CSF3R: variants seen among roughly 807,000 people sequenced by gnomAD.
The protein encoded by CSF3R is colony stimulating factor 3 receptor, also known as granulocyte colony-stimulating factor receptor.
In CSF3R, 52 loss-of-function variants were observed where a neutral mutation model predicts 84.4. The observed-to-expected ratio is 0.62, with a 90% confidence interval of 0.49 to 0.78. The LOEUF (loss-of-function observed/expected upper bound fraction) is 0.78. Ranked by LOEUF, CSF3R falls within the 30% of genes least tolerant of loss-of-function variation. CSF3R has a pLI of 0.00. For missense variants in CSF3R, 890 were observed against 1,055.7 expected (o/e 0.84, Z 2.17); for synonymous variants, 384 against 429.1 (o/e 0.89, Z 1.30).
chr1:36,482,552 G>T (rs953080532), intron 1 of CSF3R, among the ~76,000 whole-genome samples: 3 of 152,140 alleles, frequency 2.0e-5, no homozygotes. Flanking sequence ...GAATGATTAT[G>T]CCTGTCCCCA....
At position 36,475,516 on chromosome 1, in the gene CSF3R, CCTGCCCCCGGGCTGAAGCT is replaced by C. The variant is rs757401069; in HGVS notation, c.203_221del (p.Glu68GlyfsTer30). On this transcript the variant is annotated frameshift_variant, in exon 4 of 17. Coordinates refer to ENST00000373106, the MANE Select transcript of CSF3R (RefSeq NM_000760.4). LOFTEE classifies it high-confidence loss of function. ...GGGTCCCATCAGACAGACGCTGCTG[CCTGCCCCCGGGCTGAAGCT>C]CTGCTCCCAGTCTCCACAGAATCTG... The C allele has an allele frequency of 3.1e-5, 50 of 1,613,992 alleles. No homozygotes were observed. Among genetic ancestry groups the C allele is most frequent in the Non-Finnish European group, 4.2e-5 (49 of 1,179,996 alleles).
Position 36,472,948 on chromosome 1 carries a change from A to G in CSF3R, c.674-262T>C, listed in dbSNP as rs1313079890. On this transcript the variant is annotated intron_variant, in intron 6 of 16. Transcript: ENST00000373106. The surrounding 1 kb of genome is among the most constrained non-coding windows in gnomAD (Gnocchi z 5.0). ...GCGGCTTGCTCCCTCATTTCCTTCA[A>G]GGATCTGCTCAATTGTCACCCTCTT... 4.5e-5 allele frequency: 23 copies of G among 512,870 alleles called. No individual in the cohort carries two copies. The highest frequency in any genetic ancestry group is 7.5e-5 in the Non-Finnish European group (22 of 292,850). The allele number at this position is 512,870 out of a possible 1,614,324, so 31.8% of individuals were successfully genotyped here.
rs1460058557 is a variant in CSF3R, at chr1:36,472,468, G to GC, written c.843+48dup. The GC allele has an allele frequency of 1.2e-6, 2 of 1,613,634 alleles. No homozygotes were observed. The highest frequency in any genetic ancestry group is 2.7e-5 in the African/African-American group (2 of 74,904). ...GGCCAGCTCGAGCCCGACTTACCCTGCCCCCTGCCCCCACCACCTCAGGCT... is the reference window on the plus strand; with the variant it reads ...GGCCAGCTCGAGCCCGACTTACCCTGCCCCCCTGCCCCCACCACCTCAGGCT... On this transcript the variant is annotated intron_variant, in intron 7 of 16. Coordinates refer to ENST00000373106, the MANE Select transcript of CSF3R (RefSeq NM_000760.4). This position sits in a 1 kb window ranked among gnomAD's most constrained non-coding sequence, Gnocchi z 5.0.
Position 36,475,651 on chromosome 1 carries a change from G to C in CSF3R, c.87C>G (p.Ile29Met). 6.2e-7 allele frequency: 1 copy of C among 1,607,616 alleles called. No homozygotes were observed. The highest frequency in any genetic ancestry group is 8.5e-7 in the Non-Finnish European group (1 of 1,175,472). Residue 29 changes from isoleucine (I) to methionine (M), a missense_variant, in exon 4 of 17, where the codon ATC becomes ATG. Coordinates refer to ENST00000373106, the MANE Select transcript of CSF3R (RefSeq NM_000760.4). Reference protein sequence around the residue: ...LPGSLEECGHISVSAPIVHLG... With the variant: ...LPGSLEECGHMSVSAPIVHLG... ...GGTGGACGATGGGGGCTGAGACACTGATGTGCCCGCACTCCTCCAGACCTG... is the reference window on the plus strand; with the variant it reads ...GGTGGACGATGGGGGCTGAGACACTCATGTGCCCGCACTCCTCCAGACCTG...
rs1167202742 is a variant in CSF3R, at chr1:36,467,802, C to T, written c.1864+20G>A. On this transcript the variant is annotated intron_variant, in intron 14 of 16. Transcript: ENST00000373106. The surrounding 1 kb of genome is among the most constrained non-coding windows in gnomAD (Gnocchi z 4.1). ...TACCCTCCAAACAGCCATCTCTGCC[C>T]AGCCCCCGTCTCCCCTTACCTGGGG... 1.2e-6 allele frequency: 2 copies of T among 1,614,140 alleles called. No individual in the cohort carries two copies. The highest frequency in any genetic ancestry group is 1.7e-6 in the Non-Finnish European group (2 of 1,180,056).
intron 1 of CSF3R, chr1:36,481,897 G>T (rs1570605796): frequency 1.3e-5 from 2 of 152,596 alleles, no homozygotes; most frequent in South Asian, 4.1e-4. Context: ...GGGCTCTGCA[G>T]GTGCTCACTC....
intron 13 of CSF3R, 23 bp downstream of exon 13, chr1:36,468,052 G>C: frequency 6.2e-7 from 1 of 1,614,244 alleles, no homozygotes; most frequent in Middle Eastern, 1.6e-4. Flanking sequence ...CTGGGGCTGT[G>C]GGGGAACTGA....
intron 4 of CSF3R, among the ~76,000 whole-genome samples, chr1:36,474,504 G>A (rs895339879): frequency 2.0e-5 from 3 of 150,264 alleles, no homozygotes; most frequent in African/African-American, 7.4e-5. Flanking sequence ...TAGTAGAGAC[G>A]GGGTTTCCCC....
intron 3 of CSF3R, chr1:36,478,857 GAACA>G (rs202140714): frequency 0.014 from 2,654 of 196,308 alleles, 57 homozygotes; most frequent in African/African-American, 0.043. Context: ...TCTCACAAAC[GAACA>G]AACAAACAAA....
In CSF3R at chr1:36,467,413, C is replaced by T; in HGVS notation, c.1959-102G>A. On this transcript the variant is annotated intron_variant, in intron 15 of 16. Transcript: ENST00000373106. The surrounding 1 kb of genome is among the most constrained non-coding windows in gnomAD (Gnocchi z 4.1). ...TGAAGAGGTGCAGCTGCCCTTAGTG[C>T]AGAGAGAAGAAGCTGGGGGCTGGGA... The T allele has an allele frequency of 7.0e-7, 1 of 1,427,494 alleles. No individual in the cohort carries two copies. The highest frequency in any genetic ancestry group is 9.9e-7 in the Non-Finnish European group (1 of 1,011,174). The allele number at this position is 1,427,494 out of a possible 1,614,324, so 88.4% of individuals were successfully genotyped here.
rs991196673 is a variant in CSF3R at position 36,468,149 on chromosome 1, T to G, written c.1649A>C (p.Glu550Ala). Residue 550 changes from glutamate to alanine, a missense_variant, in exon 13 of 17, where the codon GAG (glutamate) becomes GCG (alanine). Glu to Ala is a moderately radical substitution (Grantham distance 107). Coordinates refer to ENST00000373106, the MANE Select transcript of CSF3R (RefSeq NM_000760.4). ...GGGGCTCTTCCCCAGCTCAGGGGGC[T>G]CAGGCACCCACTCCAGCTGTGCCCA... ...KTWAQLEWVPEPPELGKSPLT... is the reference protein window; with the variant it reads ...KTWAQLEWVPAPPELGKSPLT... 1.9e-6 allele frequency: 3 copies of G among 1,613,754 alleles called. No individual in the cohort carries two copies. The highest frequency in any genetic ancestry group is 2.5e-6 in the Non-Finnish European group (3 of 1,179,808).
In CSF3R at chr1:36,466,958, T is replaced by C. The variant is rs1650364703; in HGVS notation, c.2041-131A>G. ...ACTGGTGGAACACAAAGGGTACCAC[T>C]TGCAAAGCACTAGTATGTTCCTCAC... On this transcript the variant is annotated intron_variant, in intron 16 of 16. Transcript: ENST00000373106. The surrounding 1 kb of genome is among the most constrained non-coding windows in gnomAD (Gnocchi z 4.6). The C allele has an allele frequency of 1.2e-6, 2 of 1,600,632 alleles. No individual in the cohort carries two copies. Among genetic ancestry groups the C allele is most frequent in the East Asian group, 4.5e-5 (2 of 44,808 alleles).
intron 3 of CSF3R, among the ~76,000 whole-genome samples, chr1:36,476,804 G>A (rs1651183711): frequency 6.6e-6 from 1 of 151,764 alleles, no homozygotes; most frequent in African/African-American, 2.4e-5. Context: ...GGGACTACAG[G>A]TTCATGCCAG....
intron 10 of CSF3R, 101 bp from the exon 11 acceptor site, chr1:36,469,941 G>A (rs947007815): frequency 3.2e-6 from 4 of 1,259,060 alleles, no homozygotes; most frequent in Non-Finnish European, 4.5e-6. Context: ...TTACAGGCTG[G>A]GTGACCTTTG....
intron 3 of CSF3R, chr1:36,477,565 AT>A (rs1259134813): frequency 6.6e-6 from 1 of 150,446 alleles, no homozygotes; most frequent in Non-Finnish European, 1.5e-5. Context: ...CGGCCGATGA[AT>A]TTTTTTTGAT....
chr1:36,482,305 CGG>C lies in CSF3R; in HGVS notation c.-81+504_-81+505del, dbSNP rs11295216. Among the ~76,000 whole-genome samples, 790 of 123,054 alleles carry C rather than the reference CGG, an allele frequency of 6.4e-3. 33 individuals carry two copies. The East Asian group carries it at 0.097, about 15-fold the overall frequency. 80.7% of individuals were successfully genotyped at this position (123,054 alleles called of 152,430 possible). On this transcript the variant is annotated intron_variant, in intron 1 of 16. Coordinates refer to ENST00000373106, the MANE Select transcript of CSF3R (RefSeq NM_000760.4). The stretch of plus-strand genomic sequence containing the variant: ...AATGTACGCCGACCCAGAGAGTGGG[CGG>C]GGGGGGGGCACTCGGAGGCCTGGAG...
At chr1:36,482,307 G>GC (rs765372373) in intron 1 of CSF3R, among the ~76,000 whole-genome samples, 101 of 40,432 alleles carry the variant, frequency 2.5e-3, no homozygotes, top group Non-Finnish European at 4.9e-3. Flanking sequence ...AGAGTGGGCG[G>GC]GGGGGGGGCA....
chr1:36,472,675 G>T lies in CSF3R; in HGVS notation c.685C>A (p.Pro229Thr), dbSNP rs751578398. The change falls in exon 7 of 17, where the codon CCC becomes ACC. Residue 229 changes from proline to threonine, a missense_variant. Coordinates refer to ENST00000373106, the MANE Select transcript of CSF3R (RefSeq NM_000760.4). This position sits in a 1 kb window ranked among gnomAD's most constrained non-coding sequence, Gnocchi z 5.0. ...LDPMDVVKLE[P>T]PMLRTMDPSP... is the part of the protein sequence containing the mutation. ...GGGTCCATGGTCCGCAGCATGGGGG[G>T]CTCCAGTTTCACTGCAAGGAGTGGG... The T allele has an allele frequency of 6.3e-7, 1 of 1,598,990 alleles. No homozygotes were observed. The highest frequency in any genetic ancestry group is 8.5e-7 in the Non-Finnish European group (1 of 1,170,950).
rs3917975 is a variant in CSF3R at position 36,472,034 on chromosome 1, G to A, written c.1071+32C>T. On this transcript the variant is annotated intron_variant, in intron 9 of 16. Coordinates refer to ENST00000373106, the MANE Select transcript of CSF3R (RefSeq NM_000760.4). This position sits in a 1 kb window ranked among gnomAD's most constrained non-coding sequence, Gnocchi z 5.0. ...ATCTGTTTGGACTGCGGGAGGTGTC[G>A]AGGTGGAGGGATGGCCTTCAGAGGG... The A allele has an allele frequency of 2.9e-4, 470 of 1,607,102 alleles. 3 individuals carry two copies. The African/African-American group carries it at 5.5e-3, about 19-fold the overall frequency.
Sources: allele counts gnomAD v4.1 joint callset (sites outside exome capture counted in the v4.1 genomes callset), GRCh38; gene constraint gnomAD v4.1.1; non-coding constraint Gnocchi (gnomAD v3.1); transcripts MANE v1.5; gene names NCBI Gene and HGNC (gene_info 2026-07-23, HGNC 2026-07-21).